SGCD: variants seen among roughly 807,000 people sequenced by gnomAD.
The protein encoded by SGCD is sarcoglycan delta.
SGCD carries 18 observed loss-of-function variants against 36.6 expected under a neutral mutation model. That is an observed-to-expected ratio of 0.49 (90% confidence interval 0.34 to 0.73). The LOEUF (loss-of-function observed/expected upper bound fraction) is 0.73, where lower values mean the gene tolerates loss of function less well. Ranked by LOEUF, SGCD falls within the 30% of genes least tolerant of loss-of-function variation. The probability of loss-of-function intolerance (pLI) is 0.01; values close to 1 mark genes in which losing one functional copy is unlikely to be tolerated. For missense variants in SGCD, 387 were observed against 346.7 expected, an observed-to-expected ratio of 1.12 and a Z score of -0.92; for synonymous variants, 133 against 130.6, an observed-to-expected ratio of 1.02 and a Z score of -0.12.
intron 3 of SGCD, among the ~76,000 whole-genome samples, chr5:156,263,504 G>T (rs1303842495): frequency 6.6e-6 from 1 of 151,740 alleles, no homozygotes; most frequent in Admixed American, 6.6e-5. Context: ...GTCTGTTGTC[G>T]AATGCATAGG....
intron 4 of SGCD, among the ~76,000 whole-genome samples, chr5:156,547,582 A>G (rs1043045240): frequency 2.0e-5 from 3 of 152,020 alleles, no homozygotes; most frequent in Non-Finnish European, 4.4e-5. Flanking sequence ...AGCTGGGACT[A>G]CAGGTGCCCA....
At chr5:155,798,034 C>T in the SGCD span, among the ~76,000 whole-genome samples, 1 of 152,192 alleles carries the variant, frequency 6.6e-6, no homozygotes, top group Non-Finnish European at 1.5e-5. Flanking sequence ...AACAGGTAGG[C>T]ACCCAAAACA....
intron 3 of SGCD, among the ~76,000 whole-genome samples, chr5:156,488,104 T>G (rs868079324): frequency 5.5e-5 from 7 of 126,286 alleles, no homozygotes; most frequent in African/African-American, 2.7e-4. Context: ...ACAGGTTTTT[T>G]TTTTTTTTTT....
the SGCD span, among the ~76,000 whole-genome samples, chr5:155,776,650 C>T: frequency 1.3e-5 from 2 of 150,788 alleles, no homozygotes; most frequent in African/African-American, 4.9e-5. Flanking sequence ...ACCCCCGCCC[C>T]ACCTCCAGCC....
At chr5:156,359,876 T>C (rs143483109) in intron 3 of SGCD, among the ~76,000 whole-genome samples, 115 of 152,380 alleles carry the variant, frequency 7.5e-4, no homozygotes, top group Non-Finnish European at 1.3e-3. Context: ...TGTCATATTG[T>C]ATGAATCACC....
chr5:156,680,995 C>T (rs554214305), intron 7 of SGCD, among the ~76,000 whole-genome samples: 18 of 152,166 alleles, frequency 1.2e-4, no homozygotes, highest in East Asian at 7.7e-4. Flanking sequence ...ACCAGCCGGT[C>T]GCTCCTCTCT....
chr5:155,958,508 C>G (rs752054275), intron 1 of SGCD, among the ~76,000 whole-genome samples: 10 of 152,096 alleles, frequency 6.6e-5, no homozygotes, highest in Non-Finnish European at 1.5e-4. Context: ...ACTTCTCAAC[C>G]AGATTTTGTG....
chr5:155,772,487 G>A, the SGCD span, among the ~76,000 whole-genome samples: 2 of 152,172 alleles, frequency 1.3e-5, no homozygotes, highest in African/African-American at 4.8e-5. Flanking sequence ...AGACAGGGAT[G>A]GATGGAGCAG....
chr5:155,889,210 A>G (rs1174385239), intron 1 of SGCD, among the ~76,000 whole-genome samples: 1 of 152,338 alleles, frequency 6.6e-6, no homozygotes, highest in African/African-American at 2.4e-5. Context: ...CCAGGAAGAA[A>G]CAAGTAAATG....
upstream of SGCD, among the ~76,000 whole-genome samples, chr5:155,870,165 G>T (rs1223045843): frequency 6.6e-6 from 1 of 152,174 alleles, no homozygotes; most frequent in Non-Finnish European, 1.5e-5. Context: ...GGAGCCAGAG[G>T]GCCTGGATTT....
At chr5:156,203,168 T>C (rs952980039) in intron 3 of SGCD, among the ~76,000 whole-genome samples, 3 of 152,282 alleles carry the variant, frequency 2.0e-5, no homozygotes, top group Middle Eastern at 3.4e-3. Context: ...ACATGTACTT[T>C]TCATTAGTGC....
chr5:156,674,772 A>G (rs1362403080), intron 7 of SGCD, among the ~76,000 whole-genome samples: 2 of 152,202 alleles, frequency 1.3e-5, no homozygotes, highest in South Asian at 2.1e-4. Flanking sequence ...GAAGGACAGA[A>G]TCTGTGACCA....
intron 4 of SGCD, among the ~76,000 whole-genome samples, chr5:156,534,243 G>T (rs1370418215): frequency 1.3e-5 from 2 of 150,896 alleles, no homozygotes; most frequent in Admixed American, 6.6e-5. Flanking sequence ...CCATGGAGCT[G>T]CCAGACACGC....
intron 6 of SGCD, among the ~76,000 whole-genome samples, chr5:156,609,764 A>G (rs1360469194): frequency 9.2e-5 from 14 of 152,006 alleles, no homozygotes; most frequent in Admixed American, 4.6e-4. Flanking sequence ...TTTTTTCTCT[A>G]AACTTCTCTT....
At chr5:156,056,334 G>A (rs949038562) in intron 1 of SGCD, among the ~76,000 whole-genome samples, 2 of 145,970 alleles carry the variant, frequency 1.4e-5, no homozygotes, top group South Asian at 2.1e-4. Context: ...GACTGCCTTT[G>A]TAGGACTAAC....
Position 156,649,431 on chromosome 5 carries a change from A to G in SGCD, c.575+1895A>G, listed in dbSNP as rs527518004. ...GCACACATATATTTATTGCAGCACTATTCATAATAGCAAAGACTTGGAACC... is the reference window on the plus strand; with the variant it reads ...GCACACATATATTTATTGCAGCACTGTTCATAATAGCAAAGACTTGGAACC... On this transcript the variant is annotated intron_variant, in intron 7 of 8. Coordinates refer to ENST00000337851, the MANE Select transcript of SGCD (RefSeq NM_000337.6). Among the ~76,000 whole-genome samples the G allele has an allele frequency of 2.5e-4, 38 of 152,320 alleles. No individual in the cohort carries two copies. The South Asian group carries it at 4.8e-3, about 19-fold the overall frequency.
At chr5:156,132,332 G>T (rs543275939) in intron 3 of SGCD, among the ~76,000 whole-genome samples, 1 of 151,948 alleles carries the variant, frequency 6.6e-6, no homozygotes, top group Admixed American at 6.6e-5. Context: ...TGCTGGTTTT[G>T]TAGAAGTCCT....
chr5:156,494,365 C>T (rs114613983), intron 3 of SGCD, among the ~76,000 whole-genome samples: 3,851 of 145,340 alleles, frequency 0.026, 153 homozygotes, highest in African/African-American at 0.087. Flanking sequence ...GACTCTAACA[C>T]TCACACCTAT....
chr5:156,177,410 G>A (rs1340870508), intron 3 of SGCD, among the ~76,000 whole-genome samples: 1 of 152,098 alleles, frequency 6.6e-6, no homozygotes, highest in Non-Finnish European at 1.5e-5. Context: ...ATACCTTGAT[G>A]GTCTGAAAAG....
Sources: gnomAD v4.1 joint callset for allele counts (sites outside exome capture counted in the v4.1 genomes callset) on GRCh38, gnomAD v4.1.1 for gene constraint, MANE v1.5 for transcripts, NCBI Gene and HGNC (gene_info 2026-07-23, HGNC 2026-07-21) for gene names.